EPB41L1: variants seen among roughly 807,000 people sequenced by gnomAD.
EPB41L1 encodes band 4.1-like protein 1.
EPB41L1 carries 29 observed loss-of-function variants against 97.8 expected under a neutral mutation model. The ratio of observed to expected loss-of-function variants is 0.30; its 90% CI spans 0.22 to 0.40. EPB41L1 has a LOEUF of 0.40. Among genes scored for constraint, EPB41L1 ranks in the 10% least tolerant of loss-of-function variants. The probability of loss-of-function intolerance (pLI) is 1.00; values close to 1 mark genes in which losing one functional copy is unlikely to be tolerated. For missense variants in EPB41L1, 812 were observed against 1,162.3 expected (o/e 0.70, Z 4.38); for synonymous variants, 383 against 459.2 (o/e 0.83, Z 2.12).
Position 36,164,879 on chromosome 20 carries a change from T to A in EPB41L1, c.-14-8885T>A, listed in dbSNP as rs113420879. On this transcript the variant is annotated intron_variant, in intron 1 of 21. Transcript: ENST00000338074. ...TTTTGTATTTTTAGTAGAGATAGGG[T>A]TTCACGATATTGGTTAGGCTGGTCT... 5.4e-3 allele frequency among the ~76,000 whole-genome samples: 818 copies of A among 152,000 alleles called. 8 individuals are homozygous for A. The highest frequency in any genetic ancestry group is 0.019 in the African/African-American group (770 of 41,430).
At chr20:36,211,129 G>A (rs1258718965) in intron 15 of EPB41L1, among the ~76,000 whole-genome samples, 1 of 143,662 alleles carries the variant, frequency 7.0e-6, no homozygotes, top group Non-Finnish European at 1.5e-5. Context: ...GTTCACACCT[G>A]TAATCCCAGC....
At position 36,185,097 on chromosome 20, in the gene EPB41L1, T is replaced by C. The variant is rs778773659; in HGVS notation, c.567-20T>C. 2 of 1,611,548 alleles carry C rather than the reference T, an allele frequency of 1.2e-6. No individual in the cohort carries two copies. Among genetic ancestry groups the C allele is most frequent in the South Asian group, 2.2e-5 (2 of 90,980 alleles). Reference sequence around the variant, plus strand: ...GAGGAGTAGGGCCCTGTGCCCATGCTGGCTCTCCCCTATCTCCAGATACTA... The same window carrying C: ...GAGGAGTAGGGCCCTGTGCCCATGCCGGCTCTCCCCTATCTCCAGATACTA... On this transcript the variant is annotated intron_variant, in intron 6 of 21. Coordinates refer to ENST00000338074, the MANE Select transcript of EPB41L1 (RefSeq NM_012156.2).
chr20:36,153,195 C>T (rs189740305), upstream of EPB41L1: 1 of 420,768 alleles, frequency 2.4e-6, no homozygotes, highest in Non-Finnish European at 4.8e-6. Flanking sequence ...GAGGGCATAG[C>T]CTCATTCTTT....
chr20:36,216,857 G>C (rs529582375), intron 17 of EPB41L1, among the ~76,000 whole-genome samples: 62 of 152,274 alleles, frequency 4.1e-4, no homozygotes, highest in African/African-American at 1.4e-3. Context: ...ATGCCTGGAG[G>C]GGGGAAAGCA....
Position 36,198,008 on chromosome 20 carries a change from C to A in EPB41L1, c.1635C>A (p.Pro545=). 1 of 1,613,772 alleles carries A rather than the reference C, an allele frequency of 6.2e-7. No individual in the cohort carries two copies. The highest frequency in any genetic ancestry group is 8.5e-7 in the Non-Finnish European group (1 of 1,179,968). Residue 545 remains proline (P), a synonymous_variant, in exon 14 of 22, where the codon CCC becomes CCA. Coordinates refer to ENST00000338074, the MANE Select transcript of EPB41L1 (RefSeq NM_012156.2). The stretch of plus-strand genomic sequence containing the variant: ...GGCTGCCCTCCTCCCCCGCCTCCCC[C>A]TCCCCCAAGGGCACCCCTGAGAAAG... ...ERRLPSSPAS[P]SPKGTPEKAN... is the part of the protein sequence containing the mutation.
At chr20:36,125,521 A>T (rs1288155962) in intron 2 of EPB41L1, 4 of 1,530,780 alleles carry the variant, frequency 2.6e-6, no homozygotes, top group Non-Finnish European at 2.6e-6. Context: ...CTGAGCGCTC[A>T]GTAAAGGTGA....
At chr20:36,228,952 A>G (rs1049529945) in intron 21 of EPB41L1, among the ~76,000 whole-genome samples, 2 of 151,870 alleles carry the variant, frequency 1.3e-5, no homozygotes, top group Non-Finnish European at 2.9e-5. Context: ...AAAGATTACC[A>G]CCTCCCTGGA....
At chr20:36,102,290 C>A (rs182446709) in intron 1 of EPB41L1, among the ~76,000 whole-genome samples, 2 of 152,194 alleles carry the variant, frequency 1.3e-5, no homozygotes. Flanking sequence ...GTGCATTGTC[C>A]CTAGGAGAGG....
At chr20:36,187,557 G>C in intron 7 of EPB41L1, 119 bp from the exon 8 acceptor site, 2 of 821,534 alleles carry the variant, frequency 2.4e-6, no homozygotes, top group Non-Finnish European at 4.1e-6. Flanking sequence ...AAAGATTAGG[G>C]TGAGGCTCAG....
At position 36,229,070 on chromosome 20, in the gene EPB41L1, G is replaced by C. The variant is rs543156413; in HGVS notation, c.2638-262G>C. 2.6e-5 allele frequency among the ~76,000 whole-genome samples: 4 copies of C among 152,140 alleles called. No homozygotes were observed. The South Asian group carries it at 8.3e-4, about 32-fold the overall frequency. ...CTTGGAGTGCAATAGCTACTCACAG[G>C]CATGATGATTACACATTACAGCCTT... On this transcript the variant is annotated intron_variant, in intron 21 of 21. Coordinates refer to ENST00000338074, the MANE Select transcript of EPB41L1 (RefSeq NM_012156.2).
rs534910736 is a variant in EPB41L1 at position 36,117,299 on chromosome 20, G to A, written c.-10+4819G>A. On this transcript the variant is annotated intron_variant, in intron 2 of 19. Coordinates refer to the EPB41L1 transcript ENST00000202028. The stretch of plus-strand genomic sequence containing the variant: ...GGCCTCAGGAATGTTGCCCACGTAA[G>A]GTCCAGACATCCAGTATTTCTTCTG... Among the ~76,000 whole-genome samples the A allele has an allele frequency of 3.2e-4, 48 of 152,256 alleles. 1 individual carries two copies. Among genetic ancestry groups the A allele is most frequent in the African/African-American group, 9.9e-4 (41 of 41,546 alleles).
intron 15 of EPB41L1, among the ~76,000 whole-genome samples, chr20:36,210,779 G>A (rs577936552): frequency 2.6e-5 from 4 of 152,288 alleles, no homozygotes; most frequent in Admixed American, 1.3e-4. Context: ...TATCCAAAGC[G>A]GTCAGGTCAG....
chr20:36,168,965 C>T (rs1291678563), intron 1 of EPB41L1, among the ~76,000 whole-genome samples: 2 of 151,764 alleles, frequency 1.3e-5, no homozygotes, highest in Admixed American at 6.6e-5. Context: ...TGGTGGCTCA[C>T]GCCTGTAATC....
At position 36,160,431 on chromosome 20, in the gene EPB41L1, A is replaced by G. The variant is rs1204917265; in HGVS notation, c.-15+5535A>G. 4.6e-5 allele frequency among the ~76,000 whole-genome samples: 7 copies of G among 152,220 alleles called. No homozygotes were observed. In the South Asian group the frequency reaches 8.3e-4, roughly 18 times the overall value. ...AAACCCCATTTCTACTAAAAATACA[A>G]AAAGTTAGCCGGGCATGGTGGCTGG... On this transcript the variant is annotated intron_variant, in intron 1 of 21. Transcript: ENST00000338074.
intron 3 of EPB41L1, 80 bp from the exon 4 acceptor site, chr20:36,177,872 T>C: frequency 8.6e-7 from 1 of 1,166,442 alleles, no homozygotes; most frequent in Non-Finnish European, 1.3e-6. Flanking sequence ...TTTTGAATTG[T>C]CCTGGTGGAG....
intron 1 of EPB41L1, chr20:36,155,347 G>A (rs1398100340): frequency 2.8e-6 from 1 of 362,688 alleles, no homozygotes; most frequent in Non-Finnish European, 5.5e-6. Context: ...CCCCGCTCTG[G>A]GCTTGCCTCC....
intron 1 of EPB41L1, among the ~76,000 whole-genome samples, chr20:36,103,300 C>T (rs1384325252): frequency 1.3e-5 from 2 of 152,304 alleles, no homozygotes; most frequent in Admixed American, 6.5e-5. Flanking sequence ...TTAATTGAGG[C>T]TTACTAAGTT....
chr20:36,153,497 AGAAT>A (rs1199527543), upstream of EPB41L1, among the ~76,000 whole-genome samples: 2 of 152,196 alleles, frequency 1.3e-5, no homozygotes, highest in Non-Finnish European at 2.9e-5. Flanking sequence ...AATGATGTGA[AGAAT>A]GAATGAATAG....
chr20:36,174,252 T>G (rs2061125072), intron 2 of EPB41L1, among the ~76,000 whole-genome samples: 1 of 151,818 alleles, frequency 6.6e-6, no homozygotes. Context: ...CGCACCTGGC[T>G]AATTGTTTTA....
Sources: allele counts gnomAD v4.1 joint callset (sites outside exome capture counted in the v4.1 genomes callset), GRCh38; gene constraint gnomAD v4.1.1; transcripts MANE v1.5; gene names NCBI Gene and HGNC (gene_info 2026-07-23, HGNC 2026-07-21).